The following SORD variants were observed in gnomAD, a reference collection of about 807,000 sequenced individuals.
SORD encodes sorbitol dehydrogenase.
In SORD, 18 loss-of-function variants were observed where a neutral mutation model predicts 35.6. The ratio of observed to expected loss-of-function variants is 0.51; its 90% CI spans 0.35 to 0.75. The LOEUF is 0.75. Among genes scored for constraint, SORD ranks in the 30% least tolerant of loss-of-function variants. The pLI is 0.01. For missense variants in SORD, 250 were observed against 390.2 expected (o/e 0.64, Z 3.03); for synonymous variants, 106 against 152.9 (o/e 0.69, Z 2.26).
rs1277475743 is a variant in SORD at position 45,040,459 on chromosome 15, A to G, written c.100+18A>G. ...CCCAAATGGTAAGTTCTTGGGAAAC[A>G]TGACTTATATTTTATTATTTCCTGT... On this transcript the variant is annotated intron_variant, in intron 2 of 8. Transcript: ENST00000267814. 1.3e-6 allele frequency: 2 copies of G among 1,562,364 alleles called. No individual in the cohort carries two copies. The highest frequency in any genetic ancestry group is 1.8e-6 in the Non-Finnish European group (2 of 1,133,356).
At chr15:45,061,777 G>A (rs748169591) in intron 4 of SORD, among the ~76,000 whole-genome samples, 2 of 152,048 alleles carry the variant, frequency 1.3e-5, no homozygotes. Flanking sequence ...GCTGAGGCAG[G>A]AGAATGGCTT....
chr15:45,068,452 T>TGA, intron 6 of SORD, among the ~76,000 whole-genome samples: 1 of 121,306 alleles, frequency 8.2e-6, no homozygotes, highest in Non-Finnish European at 2.0e-5. Flanking sequence ...TGAGAGAGTG[T>TGA]GTGTGTGTGT....
At chr15:45,028,802 A>T (rs74011309) in intron 1 of SORD, among the ~76,000 whole-genome samples, 31,075 of 150,552 alleles carry the variant, frequency 0.21, no homozygotes, top group African/African-American at 0.44. Context: ...ATTTATTTTT[A>T]AAAATAAGAT....
At chr15:45,066,167 C>T (rs1178016381) in intron 5 of SORD, among the ~76,000 whole-genome samples, 4 of 150,350 alleles carry the variant, frequency 2.7e-5, no homozygotes, top group African/African-American at 9.8e-5. Flanking sequence ...ATCACTTGAA[C>T]CTGGGAAGCA....
At chr15:45,045,365 C>T (rs1754939707) in intron 3 of SORD, among the ~76,000 whole-genome samples, 1 of 151,798 alleles carries the variant, frequency 6.6e-6, no homozygotes. Context: ...TGGTGAAACT[C>T]TGTCTAAAAA....
chr15:45,024,970 TCTC>T (rs1892648223), intron 1 of SORD, among the ~76,000 whole-genome samples: 1 of 152,348 alleles, frequency 6.6e-6, no homozygotes, highest in Admixed American at 6.5e-5. Flanking sequence ...ACAGTTAAGT[TCTC>T]CTTCATCTTA....
At chr15:45,023,667 T>C (rs545116728) in intron 1 of SORD, among the ~76,000 whole-genome samples, 1 of 152,344 alleles carries the variant, frequency 6.6e-6, no homozygotes, top group East Asian at 1.9e-4. Context: ...TCCAGCCTCT[T>C]GTCATTGACC....
intron 7 of SORD, 95 bp downstream of exon 7, chr15:45,069,147 G>A (rs1054094990): frequency 2.8e-5 from 19 of 671,204 alleles, no homozygotes; most frequent in African/African-American, 2.6e-4. Flanking sequence ...TGCTGCGTGA[G>A]CCCCAAGCCA....
intron 1 of SORD, among the ~76,000 whole-genome samples, chr15:45,029,646 A>G (rs1210713806): frequency 6.6e-6 from 1 of 152,274 alleles, no homozygotes; most frequent in East Asian, 1.9e-4. Flanking sequence ...GTGAGGGGCA[A>G]AGGGCCAGTT....
intron 7 of SORD, chr15:45,070,772 G>A (rs1488167588): frequency 2.6e-5 from 4 of 152,288 alleles, no homozygotes; most frequent in Admixed American, 6.5e-5. Flanking sequence ...CCTCCACCCC[G>A]CAGAGAGGCA....
In SORD at chr15:45,061,041, G is replaced by A. The variant is rs748083440; in HGVS notation, c.266-26G>A. The A allele has an allele frequency of 4.3e-6, 7 of 1,613,742 alleles. No homozygotes were observed. In the South Asian group the frequency reaches 4.4e-5, roughly 10 times the overall value. The stretch of plus-strand genomic sequence containing the variant: ...AGACTCTGCTCCCACCCTCGGACAT[G>A]GTGCCATCTTTGTTTTCCTCTCCAG... On this transcript the variant is annotated intron_variant, in intron 3 of 8. Transcript: ENST00000267814.
At chr15:45,029,140 C>T (rs1471418417) in intron 1 of SORD, among the ~76,000 whole-genome samples, 2 of 152,218 alleles carry the variant, frequency 1.3e-5, no homozygotes, top group African/African-American at 4.8e-5. Flanking sequence ...AGTAAGTAGC[C>T]CAAAGAACCA....
At chr15:45,039,210 C>T (rs1405174859) in intron 1 of SORD, among the ~76,000 whole-genome samples, 1 of 152,006 alleles carries the variant, frequency 6.6e-6, no homozygotes, top group Non-Finnish European at 1.5e-5. Context: ...CTCACTGCTA[C>T]CTCCATCTCC....
At position 45,077,094 on chromosome 15, in the gene SORD, T is replaced by C. The variant is rs1382429188; in HGVS notation, c.*3564T>C. On this transcript the variant is annotated 3_prime_UTR_variant, in exon 9 of 9. Coordinates refer to ENST00000267814, the MANE Select transcript of SORD (RefSeq NM_003104.6). The stretch of plus-strand genomic sequence containing the variant: ...ATCCCATTGTGTGGATAGACTATCA[T>C]TTATAAAGCAAATTGCAGTATTTTG... 6.8e-6 allele frequency: 1 copy of C among 148,110 alleles called. No individual in the cohort carries two copies. Among genetic ancestry groups the C allele is most frequent in the African/African-American group, 2.6e-5 (1 of 38,120 alleles). 9.2% of individuals were successfully genotyped at this position (148,110 alleles called of 1,614,324 possible).
chr15:45,047,182 C>T (rs2470682), intron 3 of SORD: 10 of 151,834 alleles, frequency 6.6e-5, no homozygotes, highest in East Asian at 1.9e-4. Flanking sequence ...GTATGAACAA[C>T]CAATTAAGAT....
intron 4 of SORD, among the ~76,000 whole-genome samples, chr15:45,063,702 A>C (rs572928322): frequency 6.6e-6 from 1 of 152,308 alleles, no homozygotes; most frequent in African/African-American, 2.4e-5. Context: ...CACCCTCTGC[A>C]TAGAGCCCTT....
intron 1 of SORD, among the ~76,000 whole-genome samples, chr15:45,034,339 G>C (rs1330563644): frequency 6.6e-6 from 1 of 152,080 alleles, no homozygotes; most frequent in Non-Finnish European, 1.5e-5. Flanking sequence ...GGCTGGAGGA[G>C]GGAAAAGGCA....
rs1892616381 is a variant in SORD, at chr15:45,023,201, C to G, written c.-83C>G. On this transcript the variant is annotated 5_prime_UTR_variant, in exon 1 of 9. Transcript: ENST00000267814. ...CAGGCCCCACCTTCCATCCAGTGCC[C>G]TGGACCCTCGGCTGGGTAGCGCCAC... 7.9e-7 allele frequency: 1 copy of G among 1,263,832 alleles called. No individual in the cohort carries two copies. The highest frequency in any genetic ancestry group is 2.8e-5 in the Admixed American group (1 of 35,760). 78.3% of individuals were successfully genotyped at this position (1,263,832 alleles called of 1,614,324 possible). A position where few individuals can be genotyped will look rare whatever the true frequency, so the allele number is the denominator to read the frequency against.
At chr15:45,026,558 AG>A (rs1159124794) in intron 1 of SORD, among the ~76,000 whole-genome samples, 4 of 152,166 alleles carry the variant, frequency 2.6e-5, no homozygotes, top group Non-Finnish European at 5.9e-5. Context: ...TTAGGTATAC[AG>A]GGGGGCAGGG....
Sources: allele counts gnomAD v4.1 joint callset (sites outside exome capture counted in the v4.1 genomes callset), GRCh38; gene constraint gnomAD v4.1.1; transcripts MANE v1.5; gene names NCBI Gene and HGNC (gene_info 2026-07-23, HGNC 2026-07-21).